The following JCAD variants were observed in gnomAD, a reference collection of about 807,000 sequenced individuals.
The protein encoded by JCAD is junctional cadherin 5 associated.
A neutral mutation model predicts 98.0 loss-of-function variants in JCAD; 40 were observed. The observed-to-expected ratio is 0.41, with a 90% CI of 0.32 to 0.53. The LOEUF (loss-of-function observed/expected upper bound fraction) is 0.53. JCAD is among the 20% of genes least tolerant of loss of function. The pLI is 0.31. For synonymous variants in JCAD, 691 were observed against 682.3 expected, an observed-to-expected ratio of 1.01 and a Z score of -0.20; for missense variants, 1,705 against 1,738.1, an observed-to-expected ratio of 0.98 and a Z score of 0.34.
intron 1 of JCAD, among the ~76,000 whole-genome samples, chr10:30,093,721 G>A (rs1838321483): frequency 6.6e-6 from 1 of 152,208 alleles, no homozygotes; most frequent in African/African-American, 2.4e-5. Flanking sequence ...CGGGGATAGA[G>A]TCTAGCTCAG....
chr10:30,077,476 G>A lies in JCAD; in HGVS notation n.129-7655C>T, dbSNP rs1193699705. On this transcript the variant is annotated intron_variant and non_coding_transcript_variant, in intron 1 of 2. Transcript: ENST00000465712. ...TTTTGTTTAACCATTTAAAGTATAC[G>A]TTTCAGTGGCATTAAGTACATTGAT... 2.0e-5 allele frequency among the ~76,000 whole-genome samples: 3 copies of A among 152,032 alleles called. No homozygotes were observed. The East Asian group carries it at 5.8e-4, about 29-fold the overall frequency.
chr10:30,041,018 C>T (rs1223049731), intron 2 of JCAD, among the ~76,000 whole-genome samples: 1 of 152,154 alleles, frequency 6.6e-6, no homozygotes, highest in African/African-American at 2.4e-5. Context: ...AGTGCTGCCG[C>T]TGGATCTTCC....
intron 1 of JCAD, among the ~76,000 whole-genome samples, chr10:30,080,979 C>T (rs954682668): frequency 3.9e-5 from 6 of 152,228 alleles, no homozygotes; most frequent in Non-Finnish European, 8.8e-5. Flanking sequence ...ATTCTCTCTT[C>T]TCACCAAAGC....
At chr10:30,029,969 A>T in intron 2 of JCAD, 103 bp from the exon 3 acceptor site, 1 of 1,331,746 alleles carries the variant, frequency 7.5e-7, no homozygotes, top group Non-Finnish European at 1.0e-6. Context: ...AACTTTGAAA[A>T]CTTGGTTCCC....
intron 2 of JCAD, among the ~76,000 whole-genome samples, chr10:30,040,224 C>T (rs571386703): frequency 1.3e-5 from 2 of 152,294 alleles, no homozygotes; most frequent in Middle Eastern, 3.4e-3. Flanking sequence ...GCTGCTCCTC[C>T]TGGGGATGGC....
In JCAD at chr10:30,029,628, G is replaced by T. The variant is rs762905747; in HGVS notation, c.520C>A (p.Arg174=). 8.7e-6 allele frequency: 14 copies of T among 1,614,038 alleles called. No homozygotes were observed. In the Admixed American group the frequency reaches 2.0e-4, roughly 23 times the overall value. Residue 174 remains arginine, a synonymous_variant, in exon 3 of 4, where the codon CGA becomes AGA. Coordinates refer to ENST00000375377, the MANE Select transcript of JCAD (RefSeq NM_020848.4). ...MKKPVWEEEL[R]MSGPAKWQNV... ...TGCCACTTGGCAGGACCTGACATTCGCAATTCTTCTTCCCAAACTGGCTTC... is the reference window on the plus strand; with the variant it reads ...TGCCACTTGGCAGGACCTGACATTCTCAATTCTTCTTCCCAAACTGGCTTC...
At chr10:30,072,088 T>C (rs972514934) in intron 1 of JCAD, among the ~76,000 whole-genome samples, 3 of 151,604 alleles carry the variant, frequency 2.0e-5, no homozygotes, top group African/African-American at 4.9e-5. Context: ...CACATGCTAT[T>C]TGCAATACTA....
At chr10:30,073,222 A>G (rs900898352) in intron 1 of JCAD, among the ~76,000 whole-genome samples, 14 of 152,218 alleles carry the variant, frequency 9.2e-5, no homozygotes, top group African/African-American at 3.4e-4. Context: ...CAATGCTGCC[A>G]TTCATTGTGT....
chr10:30,096,453 C>G (rs543642311), intron 1 of JCAD, among the ~76,000 whole-genome samples: 2 of 152,296 alleles, frequency 1.3e-5, no homozygotes, highest in East Asian at 3.9e-4. Flanking sequence ...ATCACATTCT[C>G]AAGCTGGCAC....
At position 30,028,759 on chromosome 10, in the gene JCAD, C is replaced by T. The variant is rs374264670; in HGVS notation, c.1389G>A (p.Pro463=). The stretch of plus-strand genomic sequence containing the variant: ...CATCAGGCTGCATTCCTCCATGAGC[C>T]GGCTCTTGAGCAGTGACAGGACTGG... ...YNSSPVTAQE[P]AHGGMQPDGA... Residue 463 remains proline, a synonymous_variant, in exon 3 of 4, where the codon CCG becomes CCA. Transcript: ENST00000375377. 1.9e-5 allele frequency: 31 copies of T among 1,614,080 alleles called. No individual in the cohort carries two copies. Among genetic ancestry groups the T allele is most frequent in the Admixed American group, 3.3e-5 (2 of 60,002 alleles).
intron 2 of JCAD, among the ~76,000 whole-genome samples, chr10:30,035,781 A>G (rs1273310873): frequency 2.0e-5 from 3 of 152,238 alleles, no homozygotes; most frequent in African/African-American, 7.2e-5. Flanking sequence ...AGATAAGGAA[A>G]GCAAAGTGGA....
At chr10:30,064,169 C>T (rs2132663772), upstream of JCAD, among the ~76,000 whole-genome samples, 1 of 152,166 alleles carries the variant, frequency 6.6e-6, no homozygotes, top group Non-Finnish European at 1.5e-5. Flanking sequence ...ATGGATTAAT[C>T]TATTCATGGA....
chr10:30,070,405 C>T (rs780338973), intron 1 of JCAD, among the ~76,000 whole-genome samples: 64 of 152,298 alleles, frequency 4.2e-4, no homozygotes, highest in Non-Finnish European at 3.4e-4. Flanking sequence ...TACCATCCCT[C>T]GAGGCTCTAT....
At chr10:30,037,934 T>TAAAAAAAAAAAA (rs57504197) in intron 2 of JCAD, among the ~76,000 whole-genome samples, 1 of 109,320 alleles carries the variant, frequency 9.1e-6, no homozygotes. Context: ...ATGGAAAAAT[T>TAAAAAAAAAAAA]AAAAAAAAAA....
At position 30,027,091 on chromosome 10, in the gene JCAD, A is replaced by G; in HGVS notation, c.3057T>C (p.Pro1019=). 1 of 1,614,168 alleles carries G rather than the reference A, an allele frequency of 6.2e-7. No individual in the cohort carries two copies. The highest frequency in any genetic ancestry group is 8.5e-7 in the Non-Finnish European group (1 of 1,180,028). Residue 1019 remains proline (P), a synonymous_variant, in exon 3 of 4, where the codon CCT becomes CCC. Transcript: ENST00000375377. ...FSSVKPSEAV[P]RKFDSGGERG... is the part of the protein sequence containing the mutation. ...TCTCTCCACCACTGTCAAACTTCCG[A>G]GGGACCGCTTCACTTGGTTTCACAG...
upstream of JCAD, among the ~76,000 whole-genome samples, chr10:30,060,171 G>T (rs900373973): frequency 2.6e-5 from 4 of 152,164 alleles, no homozygotes; most frequent in African/African-American, 9.6e-5. Context: ...ATGAAGAGCA[G>T]AAAACAGTGA....
At chr10:30,032,098 A>G (rs1837014698) in intron 2 of JCAD, among the ~76,000 whole-genome samples, 1 of 151,632 alleles carries the variant, frequency 6.6e-6, no homozygotes. Flanking sequence ...CTTATCCTCA[A>G]TTTTGGGAAA....
intron 1 of JCAD, among the ~76,000 whole-genome samples, chr10:30,086,716 C>T (rs1314763223): frequency 2.6e-5 from 4 of 152,220 alleles, no homozygotes; most frequent in Non-Finnish European, 4.4e-5. Context: ...GGGCTGTCCA[C>T]CAAGCCTTTT....
chr10:30,101,519 T>C (rs1456240757), intron 1 of JCAD, among the ~76,000 whole-genome samples: 2 of 152,126 alleles, frequency 1.3e-5, no homozygotes, highest in East Asian at 3.9e-4. Context: ...GGCTAACTTA[T>C]TTATTTATTT....
Sources: allele counts gnomAD v4.1 joint callset (sites outside exome capture counted in the v4.1 genomes callset), GRCh38; gene constraint gnomAD v4.1.1; transcripts MANE v1.5; gene names NCBI Gene and HGNC (gene_info 2026-07-23, HGNC 2026-07-21).